JAKMIP3: variants seen among roughly 807,000 people sequenced by gnomAD.
The protein encoded by JAKMIP3 is Janus kinase and microtubule interacting protein 3, also known as janus kinase and microtubule-interacting protein 3.
In JAKMIP3, 58 loss-of-function variants were observed where a neutral mutation model predicts 118.5. The ratio of observed to expected loss-of-function variants is 0.49; its 90% CI spans 0.40 to 0.61. JAKMIP3 has a LOEUF of 0.61. Among genes scored for constraint, JAKMIP3 ranks in the 20% least tolerant of loss-of-function variants. The pLI is 0.00. For synonymous variants in JAKMIP3, 486 were observed against 451.2 expected, an observed-to-expected ratio of 1.08 and a Z score of -0.98; for missense variants, 950 against 1,109.0, an observed-to-expected ratio of 0.86 and a Z score of 2.04.
chr10:132,073,529 C>A (rs2134036421), intron 1 of JAKMIP3, among the ~76,000 whole-genome samples: 1 of 142,110 alleles, frequency 7.0e-6, no homozygotes, highest in African/African-American at 2.6e-5. Flanking sequence ...CAGGATCTTG[C>A]TCTGTTGCCC....
Position 132,184,278 on chromosome 10 carries a change from C to T in JAKMIP3, c.*3025C>T, listed in dbSNP as rs535467110. 26 of 152,324 alleles carry T rather than the reference C, an allele frequency of 1.7e-4. No homozygotes were observed. The highest frequency in any genetic ancestry group is 5.8e-4 in the African/African-American group (24 of 41,570). The allele number at this position is 152,324 out of a possible 1,614,324, so 9.4% of individuals were successfully genotyped here. A position where few individuals can be genotyped will look rare whatever the true frequency, so the allele number is the denominator to read the frequency against. On this transcript the variant is annotated 3_prime_UTR_variant, in exon 24 of 24. Coordinates refer to ENST00000684848, the MANE Select transcript of JAKMIP3 (RefSeq NM_001323087.2). ...TCTCTGCCCTTGCAGAATCTGTAGCCTTCAGGATACCCCGAGTGCCTTACA... is the reference window on the plus strand; with the variant it reads ...TCTCTGCCCTTGCAGAATCTGTAGCTTTCAGGATACCCCGAGTGCCTTACA...
At chr10:132,137,310 C>T in intron 8 of JAKMIP3, 21 bp downstream of exon 8, 1 of 1,613,662 alleles carries the variant, frequency 6.2e-7, no homozygotes. Context: ...TCAGCGCCCG[C>T]TTCCCCACGC....
At position 132,049,232 on chromosome 10, in the gene JAKMIP3, T is replaced by G. The variant is rs958921735; in HGVS notation, c.-138+12494T>G. On this transcript the variant is annotated intron_variant, in intron 1 of 23. Coordinates refer to the JAKMIP3 transcript ENST00000657785. The surrounding 1 kb of genome is among the most constrained non-coding windows in gnomAD (Gnocchi z 4.3). Reference sequence around the variant, plus strand: ...CACCGTGGATTCGGGTCTGTTTCTATGTAGGGACGGTCTTCCGGGAGCACA... The same window carrying G: ...CACCGTGGATTCGGGTCTGTTTCTAGGTAGGGACGGTCTTCCGGGAGCACA... 6.6e-6 allele frequency among the ~76,000 whole-genome samples: 1 copy of G among 152,198 alleles called. No homozygotes were observed. The highest frequency in any genetic ancestry group is 1.9e-4 in the East Asian group (1 of 5,190).
rs569823853 is a variant in JAKMIP3, at chr10:132,169,376, C to T, written c.*1103+343C>T. ...TGAGGCCGCTCTCCGAGTGCGCCTC[C>T]CTCCGCTGCTCCCGTGCACTTGAAC... On this transcript the variant is annotated intron_variant, in intron 23 of 23. Coordinates refer to ENST00000684848, the MANE Select transcript of JAKMIP3 (RefSeq NM_001323087.2). Among the ~76,000 whole-genome samples the T allele has an allele frequency of 5.6e-3, 846 of 152,302 alleles. 9 individuals carry two copies. The highest frequency in any genetic ancestry group is 0.019 in the African/African-American group (809 of 41,576).
chr10:132,053,032 G>T (rs1437644795), intron 1 of JAKMIP3, among the ~76,000 whole-genome samples: 2 of 152,150 alleles, frequency 1.3e-5, no homozygotes, highest in African/African-American at 4.8e-5. Context: ...TGGTTTCCTG[G>T]TTCTCATTGG....
In JAKMIP3 at chr10:132,136,019, T is replaced by C; in HGVS notation, c.1059T>C (p.His353=). 2 of 1,613,680 alleles carry C rather than the reference T, an allele frequency of 1.2e-6. No individual in the cohort carries two copies. Among genetic ancestry groups the C allele is most frequent in the Middle Eastern group, 1.6e-4 (1 of 6,062 alleles). The change falls in exon 6 of 24, where the codon CAT becomes CAC. Residue 353 remains histidine, a synonymous_variant. Transcript: ENST00000684848. ...RLSRKNEDLS[H]ALRRMENKLK... Reference sequence around the variant, plus strand: ...GTCGGAAGAACGAGGATTTGTCTCATGCTTTACGCCGAATGGAAAACAAGT... The same window carrying C: ...GTCGGAAGAACGAGGATTTGTCTCACGCTTTACGCCGAATGGAAAACAAGT...
At chr10:132,140,320 A>T in intron 9 of JAKMIP3, 131 bp from the exon 10 acceptor site, 1 of 1,210,716 alleles carries the variant, frequency 8.3e-7, no homozygotes. Context: ...GGCCTGTGCC[A>T]GGGACAGAGA....
At chr10:132,150,156 C>A in intron 16 of JAKMIP3, 115 bp downstream of exon 16, 2 of 746,712 alleles carry the variant, frequency 2.7e-6, no homozygotes, top group Non-Finnish European at 4.4e-6. Flanking sequence ...GGCCACCCTG[C>A]CTGAGACCCT....
intron 23 of JAKMIP3, among the ~76,000 whole-genome samples, chr10:132,181,777 A>G (rs983008418): frequency 1.3e-5 from 2 of 151,886 alleles, no homozygotes; most frequent in African/African-American, 4.8e-5. Flanking sequence ...TGGTGTCTCT[A>G]CGGCCGGGCC....
At chr10:132,163,473 G>C (rs1030582052) in intron 20 of JAKMIP3, 61 bp downstream of exon 20, 30 of 1,447,780 alleles carry the variant, frequency 2.1e-5, no homozygotes, top group Non-Finnish European at 2.6e-5. Context: ...CACAGAGCCA[G>C]GGGGGGTCCT....
chr10:132,046,278 C>T (rs549817465), intron 1 of JAKMIP3, among the ~76,000 whole-genome samples: 12 of 152,200 alleles, frequency 7.9e-5, no homozygotes, highest in East Asian at 3.9e-4. Context: ...CACAGTGAAA[C>T]CCCCGTCTCT....
chr10:132,174,047 C>A (rs1056269846), intron 23 of JAKMIP3, among the ~76,000 whole-genome samples: 2 of 137,068 alleles, frequency 1.5e-5, no homozygotes, highest in African/African-American at 5.6e-5. Context: ...GTGTGGTGTG[C>A]CTGTGGTGGT....
chr10:132,133,645 C>A, intron 4 of JAKMIP3, 118 bp downstream of exon 4: 1 of 932,498 alleles, frequency 1.1e-6, no homozygotes, highest in Non-Finnish European at 1.6e-6. Flanking sequence ...TGAGGCAGCA[C>A]CCTCCTGCCT....
At chr10:132,160,190 GC>G (rs2057940334) in intron 19 of JAKMIP3, among the ~76,000 whole-genome samples, 1 of 33,234 alleles carries the variant, frequency 3.0e-5, no homozygotes, top group African/African-American at 1.1e-4. Context: ...TGCTGGGTGG[GC>G]CTCTCCCTGT....
rs1433095064 is a variant in JAKMIP3, at chr10:132,183,412, T to A, written c.*2159T>A. 6.6e-6 allele frequency: 1 copy of A among 152,252 alleles called. No individual in the cohort carries two copies. The highest frequency in any genetic ancestry group is 1.5e-5 in the Non-Finnish European group (1 of 68,048). The allele number at this position is 152,252 out of a possible 1,614,324, so 9.4% of individuals were successfully genotyped here. A position where few individuals can be genotyped will look rare whatever the true frequency, so the allele number is the denominator to read the frequency against. ...TTCCCAGATTCACATCCCTCATGTT[T>A]ATTTGGGTCATCATGGTTTAGCATG... On this transcript the variant is annotated 3_prime_UTR_variant, in exon 24 of 24. Coordinates refer to ENST00000684848, the MANE Select transcript of JAKMIP3 (RefSeq NM_001323087.2).
rs905615077 is a variant in JAKMIP3, at chr10:132,044,888, G to A, written c.-138+8150G>A. Reference sequence around the variant, plus strand: ...AGAATCATGGTATTTGTGCGTGTGTGTGACTGGCGTGCTTCACCGTGTTGC... The same window carrying A: ...AGAATCATGGTATTTGTGCGTGTGTATGACTGGCGTGCTTCACCGTGTTGC... On this transcript the variant is annotated intron_variant, in intron 1 of 23. Coordinates refer to the JAKMIP3 transcript ENST00000657785. The surrounding 1 kb of genome is among the most constrained non-coding windows in gnomAD (Gnocchi z 5.3). Among the ~76,000 whole-genome samples the A allele has an allele frequency of 6.7e-6, 1 of 148,508 alleles. No homozygotes were observed. The highest frequency in any genetic ancestry group is 2.5e-5 in the African/African-American group (1 of 39,620).
intron 1 of JAKMIP3, among the ~76,000 whole-genome samples, chr10:132,066,378 G>A (rs1434628825): frequency 6.6e-6 from 1 of 152,184 alleles, no homozygotes; most frequent in Non-Finnish European, 1.5e-5. Context: ...TTGTTGGCAC[G>A]GCAGCCGTGG....
At chr10:132,064,110 G>A (rs1564856961), upstream of JAKMIP3, among the ~76,000 whole-genome samples, 1 of 152,162 alleles carries the variant, frequency 6.6e-6, no homozygotes, top group Non-Finnish European at 1.5e-5. This position sits in a 1 kb window ranked among gnomAD's most constrained non-coding sequence, Gnocchi z 4.4. Flanking sequence ...GGACGTATGT[G>A]CGTTTCCCAT....
intron 1 of JAKMIP3, among the ~76,000 whole-genome samples, chr10:132,098,364 G>C (rs9419184): frequency 6.6e-6 from 1 of 151,904 alleles, no homozygotes; most frequent in African/African-American, 2.4e-5. Flanking sequence ...GCTAGATTCA[G>C]TTCTGGAGAT....
Sources: allele counts gnomAD v4.1 joint callset (sites outside exome capture counted in the v4.1 genomes callset), GRCh38; gene constraint gnomAD v4.1.1; non-coding constraint Gnocchi (gnomAD v3.1); transcripts MANE v1.5; gene names NCBI Gene and HGNC (gene_info 2026-07-23, HGNC 2026-07-21).